The following TP63 variants were observed in gnomAD, a reference collection of about 807,000 sequenced individuals.
TP63 encodes tumor protein p63.
Under a neutral mutation model 82.8 loss-of-function variants are expected in TP63, and 17 were observed. The observed-to-expected ratio is 0.21, with a 90% confidence interval of 0.14 to 0.31. The LOEUF (loss-of-function observed/expected upper bound fraction) is 0.31, where lower values mean the gene tolerates loss of function less well. Among genes scored for constraint, TP63 ranks in the 10% least tolerant of loss-of-function variants. The pLI is 1.00. For synonymous variants in TP63, 330 were observed against 321.7 expected, an observed-to-expected ratio of 1.03 and a Z score of -0.28; for missense variants, 648 against 895.3, an observed-to-expected ratio of 0.72 and a Z score of 3.52.
At chr3:189,774,158 G>A (rs568855978) in intron 3 of TP63, among the ~76,000 whole-genome samples, 93 of 152,080 alleles carry the variant, frequency 6.1e-4, no homozygotes, top group Middle Eastern at 6.8e-3. Context: ...TCCTGATCTC[G>A]TGATCCGCCC....
At chr3:189,623,161 C>T in the TP63 span, among the ~76,000 whole-genome samples, 1 of 152,102 alleles carries the variant, frequency 6.6e-6, no homozygotes, top group Non-Finnish European at 1.5e-5. Flanking sequence ...GCTTTTGTTT[C>T]CTTGTCTCAA....
chr3:189,705,630 T>C (rs1017156543), intron 1 of TP63, among the ~76,000 whole-genome samples: 5 of 151,994 alleles, frequency 3.3e-5, no homozygotes, highest in African/African-American at 1.2e-4. Flanking sequence ...TGGGAGAGCA[T>C]ATGGAGTTTT....
chr3:189,735,909 G>A (rs948065314), intron 1 of TP63, among the ~76,000 whole-genome samples: 13 of 151,984 alleles, frequency 8.6e-5, no homozygotes, highest in African/African-American at 3.1e-4. Context: ...TCAGGTCACT[G>A]GATTTTATCA....
intron 5 of TP63, among the ~76,000 whole-genome samples, chr3:189,865,742 C>T (rs566294429): frequency 5.3e-5 from 8 of 152,190 alleles, no homozygotes; most frequent in South Asian, 2.1e-4. Flanking sequence ...CCACATTATC[C>T]GTACATTTAT....
At chr3:189,621,659 C>A in the TP63 span, among the ~76,000 whole-genome samples, 1 of 151,974 alleles carries the variant, frequency 6.6e-6, no homozygotes. Flanking sequence ...TATTCTCTCT[C>A]TTCTCATATT....
chr3:189,889,822 G>A (rs1720834363), intron 12 of TP63, among the ~76,000 whole-genome samples: 1 of 152,126 alleles, frequency 6.6e-6, no homozygotes, highest in African/African-American at 2.4e-5. Context: ...TTTCCAAAAG[G>A]GCAATAAACT....
intron 3 of TP63, among the ~76,000 whole-genome samples, chr3:189,762,439 A>C (rs1167426610): frequency 6.6e-6 from 1 of 152,202 alleles, no homozygotes; most frequent in Non-Finnish European, 1.5e-5. Context: ...TTTAGTCCTC[A>C]GGCCCAAAGG....
At chr3:189,867,742 A>C in intron 6 of TP63, 91 bp from the exon 7 acceptor site, 1 of 1,153,036 alleles carries the variant, frequency 8.7e-7, no homozygotes, top group Non-Finnish European at 1.3e-6. Flanking sequence ...CTTCATCAGA[A>C]GTGGAATTCC....
chr3:189,719,071 G>A (rs1289701536), intron 1 of TP63, among the ~76,000 whole-genome samples: 4 of 151,838 alleles, frequency 2.6e-5, no homozygotes, highest in Non-Finnish European at 4.4e-5. Context: ...TGAAGTGTAG[G>A]GTAAGAGGAA....
intron 1 of TP63, among the ~76,000 whole-genome samples, chr3:189,647,109 T>G (rs1712483873): frequency 6.8e-6 from 1 of 146,812 alleles, no homozygotes; most frequent in Admixed American, 6.7e-5. Context: ...ACTTGGTCGC[T>G]TCCAAGAACT....
chr3:189,879,994 G>C, intron 10 of TP63: 2 of 1,572,250 alleles, frequency 1.3e-6, no homozygotes, highest in Non-Finnish European at 1.7e-6. Context: ...GTGTGTTTCT[G>C]AATTCAATTG....
chr3:189,824,048 G>A (rs1205373342), intron 4 of TP63, among the ~76,000 whole-genome samples: 4 of 151,976 alleles, frequency 2.6e-5, no homozygotes, highest in Admixed American at 6.6e-5. Context: ...AACCTTGATC[G>A]TTTCAAGAGG....
At chr3:189,657,476 A>C (rs1292922616) in intron 1 of TP63, among the ~76,000 whole-genome samples, 4 of 152,132 alleles carry the variant, frequency 2.6e-5, no homozygotes, top group Non-Finnish European at 4.4e-5. Context: ...TTTAGAAATA[A>C]ATAGAGACTA....
intron 1 of TP63, among the ~76,000 whole-genome samples, chr3:189,687,691 A>G (rs1349992111): frequency 1.3e-5 from 2 of 152,212 alleles, no homozygotes; most frequent in African/African-American, 4.8e-5. Context: ...GCGACTGGAC[A>G]ATGTGCCCTT....
chr3:189,857,955 A>G (rs574830620), intron 4 of TP63, among the ~76,000 whole-genome samples: 24 of 152,328 alleles, frequency 1.6e-4, no homozygotes, highest in African/African-American at 5.1e-4. Context: ...TATAACTACC[A>G]TGTGATCCAG....
At chr3:189,792,685 G>A (rs1490156737) in intron 3 of TP63, among the ~76,000 whole-genome samples, 2 of 151,972 alleles carry the variant, frequency 1.3e-5, no homozygotes, top group South Asian at 2.1e-4. Context: ...ATATGTATAC[G>A]ATCGTGTTCC....
intron 4 of TP63, among the ~76,000 whole-genome samples, chr3:189,842,637 C>T (rs1714303933): frequency 6.6e-6 from 1 of 152,126 alleles, no homozygotes; most frequent in Admixed American, 6.5e-5. Flanking sequence ...GTTTGCAGGC[C>T]TTTAATCAGC....
intron 5 of TP63, among the ~76,000 whole-genome samples, chr3:189,865,674 A>G (rs1417596822): frequency 6.6e-6 from 1 of 152,248 alleles, no homozygotes; most frequent in Non-Finnish European, 1.5e-5. Flanking sequence ...AAATAAAGTC[A>G]AAATTCTCTT....
intron 1 of TP63, among the ~76,000 whole-genome samples, chr3:189,692,890 G>T (rs1274979188): frequency 6.6e-6 from 1 of 152,180 alleles, no homozygotes; most frequent in African/African-American, 2.4e-5. Context: ...TGTGGAGCCA[G>T]CCAGTAGCAA....
Sources: gnomAD v4.1 joint callset for allele counts (sites outside exome capture counted in the v4.1 genomes callset) on GRCh38, gnomAD v4.1.1 for gene constraint, MANE v1.5 for transcripts, NCBI Gene and HGNC (gene_info 2026-07-23, HGNC 2026-07-21) for gene names.